ADAMTSL3: variants seen among roughly 807,000 people sequenced by gnomAD.
The protein encoded by ADAMTSL3 is ADAMTS-like protein 3.
Under a neutral mutation model 201.7 loss-of-function variants are expected in ADAMTSL3, and 128 were observed. The observed-to-expected ratio is 0.63, with a 90% confidence interval of 0.55 to 0.73. The LOEUF is 0.73. Among genes scored for constraint, ADAMTSL3 ranks in the 30% least tolerant of loss-of-function variants. The pLI is 0.00. For missense variants in ADAMTSL3, 1,990 were observed against 2,119.6 expected, an observed-to-expected ratio of 0.94 and a Z score of 1.20; for synonymous variants, 738 against 748.4, an observed-to-expected ratio of 0.99 and a Z score of 0.23.
intron 7 of ADAMTSL3, 140 bp downstream of exon 7, chr15:83,838,355 T>G: frequency 8.7e-7 from 1 of 1,150,418 alleles, no homozygotes; most frequent in Non-Finnish European, 1.2e-6. Context: ...GTGAAATTTC[T>G]TCCAAGAAGT....
At chr15:83,901,168 G>A (rs2065716976) in intron 15 of ADAMTSL3, among the ~76,000 whole-genome samples, 1 of 152,146 alleles carries the variant, frequency 6.6e-6, no homozygotes, top group Admixed American at 6.5e-5. Context: ...AAGAAACTGT[G>A]GACCATGTGA....
intron 3 of ADAMTSL3, among the ~76,000 whole-genome samples, chr15:83,745,786 T>A (rs965314487): frequency 5.9e-5 from 9 of 152,220 alleles, no homozygotes; most frequent in Non-Finnish European, 1.0e-4. Context: ...AGAGTGACAC[T>A]TGGTTTATCT....
At chr15:83,736,891 G>A (rs920142620) in intron 3 of ADAMTSL3, among the ~76,000 whole-genome samples, 2 of 152,036 alleles carry the variant, frequency 1.3e-5, no homozygotes, top group African/African-American at 4.8e-5. Context: ...TCAAACAAAC[G>A]GATACTTAAG....
At chr15:83,931,745 G>A (rs575476685) in intron 17 of ADAMTSL3, among the ~76,000 whole-genome samples, 1 of 152,188 alleles carries the variant, frequency 6.6e-6, no homozygotes, top group Non-Finnish European at 1.5e-5. Context: ...GGAAAGGAAT[G>A]GAAACATGAG....
At position 83,983,080 on chromosome 15, in the gene ADAMTSL3, T is replaced by C; in HGVS notation, c.3452T>C (p.Leu1151Pro). Residue 1151 changes from leucine to proline, a missense_variant, in exon 21 of 30, where the codon CTC becomes CCC. By Grantham distance (98) the Leu-to-Pro change is moderately conservative. Coordinates refer to ENST00000286744, the MANE Select transcript of ADAMTSL3 (RefSeq NM_207517.3). ...IQEETPPAAQ[L>P]RGETGSVSQS... ...GAAGAGACACCTCCTGCTGCTCAGC[T>C]CAGAGGGGAAACAGGGAGTGTGTCC... 2 of 1,613,984 alleles carry C rather than the reference T, an allele frequency of 1.2e-6. No homozygotes were observed. The highest frequency in any genetic ancestry group is 1.7e-6 in the Non-Finnish European group (2 of 1,179,992).
At chr15:83,913,473 A>G in intron 16 of ADAMTSL3, 95 bp downstream of exon 16, 2 of 1,276,774 alleles carry the variant, frequency 1.6e-6, no homozygotes, top group Admixed American at 2.1e-5. Context: ...CAAATTAGCA[A>G]AAGTCTAAAG....
intron 3 of ADAMTSL3, among the ~76,000 whole-genome samples, chr15:83,741,548 C>G (rs1053197080): frequency 1.3e-5 from 2 of 152,014 alleles, no homozygotes; most frequent in Non-Finnish European, 2.9e-5. Flanking sequence ...TGAGGAAAGA[C>G]ATGTGAAATT....
At chr15:84,030,554 A>C (rs2068388404) in intron 27 of ADAMTSL3, among the ~76,000 whole-genome samples, 1 of 152,164 alleles carries the variant, frequency 6.6e-6, no homozygotes, top group Non-Finnish European at 1.5e-5. Flanking sequence ...GGAAGTAACT[A>C]ACTTACTTTT....
chr15:83,724,395 G>T (rs1393772113), intron 3 of ADAMTSL3, among the ~76,000 whole-genome samples: 1 of 151,940 alleles, frequency 6.6e-6, no homozygotes, highest in Non-Finnish European at 1.5e-5. Flanking sequence ...ACCGCACCTG[G>T]CCTATTCATT....
At chr15:83,719,396 C>G (rs1230303243) in intron 3 of ADAMTSL3, among the ~76,000 whole-genome samples, 1 of 152,084 alleles carries the variant, frequency 6.6e-6, no homozygotes, top group Non-Finnish European at 1.5e-5. Context: ...AATGCATGGC[C>G]CTTATTTGGA....
chr15:83,926,001 T>C (rs2066238789), intron 17 of ADAMTSL3, among the ~76,000 whole-genome samples: 1 of 152,212 alleles, frequency 6.6e-6, no homozygotes, highest in Non-Finnish European at 1.5e-5. Flanking sequence ...TTTTGTAAAC[T>C]GTTTTCTTAA....
rs149731655 is a variant in ADAMTSL3, at chr15:83,995,335, C to T, written c.3973+4121C>T. The stretch of plus-strand genomic sequence containing the variant: ...ACAAAGCATCTGATAAACTTCAACA[C>T]GAAAATGATATGAAAACCTCTTGGC... On this transcript the variant is annotated intron_variant, in intron 23 of 29. Coordinates refer to ENST00000286744, the MANE Select transcript of ADAMTSL3 (RefSeq NM_207517.3). Among the ~76,000 whole-genome samples the T allele has an allele frequency of 3.1e-3, 466 of 152,194 alleles. 1 individual carries two copies. Among genetic ancestry groups the T allele is most frequent in the African/African-American group, 0.011 (443 of 41,532 alleles).
chr15:83,994,905 C>T (rs576511871), intron 23 of ADAMTSL3, among the ~76,000 whole-genome samples: 13 of 151,862 alleles, frequency 8.6e-5, no homozygotes, highest in South Asian at 4.2e-4. Context: ...CCACGGCATC[C>T]GGCCCTGGAA....
chr15:83,805,284 G>A (rs559596766), intron 5 of ADAMTSL3, among the ~76,000 whole-genome samples: 15 of 152,266 alleles, frequency 9.9e-5, no homozygotes, highest in African/African-American at 3.6e-4. Flanking sequence ...AAGGCCAGGC[G>A]CATTGGCTCA....
intron 15 of ADAMTSL3, among the ~76,000 whole-genome samples, chr15:83,907,105 AAAAAAAAAAAAG>A (rs1418907493): frequency 2.4e-5 from 3 of 124,436 alleles, no homozygotes; most frequent in African/African-American, 1.0e-4. Flanking sequence ...GGGAAAAAAA[AAAAAAAAAAAAG>A]AGAGAGTCTA....
intron 3 of ADAMTSL3, among the ~76,000 whole-genome samples, chr15:83,710,076 A>G (rs1245026023): frequency 2.6e-5 from 4 of 152,244 alleles, no homozygotes; most frequent in Non-Finnish European, 5.9e-5. Flanking sequence ...GATTCCAAGC[A>G]TGTAGGACAA....
At chr15:83,877,365 A>G (rs2065196170) in intron 9 of ADAMTSL3, among the ~76,000 whole-genome samples, 1 of 152,226 alleles carries the variant, frequency 6.6e-6, no homozygotes, top group Admixed American at 6.5e-5. Flanking sequence ...TGACTGTTTA[A>G]TTGACCTAGA....
chr15:83,766,993 C>G (rs113512206), intron 3 of ADAMTSL3, among the ~76,000 whole-genome samples: 2 of 152,112 alleles, frequency 1.3e-5, no homozygotes, highest in African/African-American at 4.8e-5. Context: ...ACTTGAGAGG[C>G]TGAGGTGGGA....
intron 19 of ADAMTSL3, among the ~76,000 whole-genome samples, chr15:83,945,554 T>C (rs542811281): frequency 1.4e-3 from 210 of 152,188 alleles, no homozygotes; most frequent in African/African-American, 3.6e-3. Flanking sequence ...TGGGCTAGTG[T>C]GTAGGCAGTA....
Sources: gnomAD v4.1 joint callset for allele counts (sites outside exome capture counted in the v4.1 genomes callset) on GRCh38, gnomAD v4.1.1 for gene constraint, MANE v1.5 for transcripts, NCBI Gene and HGNC (gene_info 2026-07-23, HGNC 2026-07-21) for gene names.